The following TENM3 variants were observed in gnomAD, a reference collection of about 807,000 sequenced individuals.
TENM3 encodes the protein teneurin transmembrane protein 3.
TENM3 carries 63 observed loss-of-function variants against 255.1 expected under a neutral mutation model. That is an observed-to-expected ratio of 0.25 (90% CI 0.20 to 0.30). The LOEUF (loss-of-function observed/expected upper bound fraction) is 0.30. Among genes scored for constraint, TENM3 ranks in the 10% least tolerant of loss-of-function variants. TENM3 has a pLI of 1.00. For missense variants in TENM3, 2,929 were observed against 3,461.1 expected (o/e 0.85, Z 3.86); for synonymous variants, 1,306 against 1,322.3 (o/e 0.99, Z 0.27).
chr4:181,737,001 T>C, the TENM3 span, among the ~76,000 whole-genome samples: 12 of 152,080 alleles, frequency 7.9e-5, no homozygotes, highest in Non-Finnish European at 1.6e-4. Flanking sequence ...TAATAGAGTC[T>C]CAGACCACAA....
At chr4:181,653,184 G>T in the TENM3 span, among the ~76,000 whole-genome samples, 1 of 152,154 alleles carries the variant, frequency 6.6e-6, no homozygotes, top group Non-Finnish European at 1.5e-5. Flanking sequence ...TTCAGTCTAG[G>T]CCAGGGACTC....
intron 3 of TENM3, among the ~76,000 whole-genome samples, chr4:182,561,072 G>C (rs1423862017): frequency 1.3e-5 from 2 of 151,964 alleles, no homozygotes; most frequent in Non-Finnish European, 2.9e-5. Flanking sequence ...TGCTGTTACT[G>C]TCTACAAATG....
the TENM3 span, among the ~76,000 whole-genome samples, chr4:181,958,337 G>GTT: frequency 6.6e-6 from 1 of 152,036 alleles, no homozygotes; most frequent in Non-Finnish European, 1.5e-5. Context: ...TTGTTTGTTT[G>GTT]TTTTTGCTTT....
chr4:181,641,554 G>GTGTATATATATA, the TENM3 span, among the ~76,000 whole-genome samples: 18 of 26,894 alleles, frequency 6.7e-4, 1 homozygote, highest in East Asian at 1.2e-3. Flanking sequence ...TGGTGTGTGT[G>GTGTATATATATA]TATATATATA....
At chr4:182,347,071 T>A in intron 3 of TENM3, 142 bp downstream of exon 3, 1 of 808,462 alleles carries the variant, frequency 1.2e-6, no homozygotes, top group Non-Finnish European at 1.9e-6. Flanking sequence ...CTTTTTGTTT[T>A]AATGTAGTAG....
chr4:181,925,670 C>G, the TENM3 span, among the ~76,000 whole-genome samples: 253 of 152,238 alleles, frequency 1.7e-3, 1 homozygote, highest in African/African-American at 5.7e-3. Flanking sequence ...TGCAACTTTG[C>G]CGCCATTAAT....
chr4:182,275,777 AG>A (rs2150241422), intron 1 of TENM3, among the ~76,000 whole-genome samples: 1 of 152,074 alleles, frequency 6.6e-6, no homozygotes, highest in South Asian at 2.1e-4. Context: ...TTCTCCAAAA[AG>A]TTTTAGAAAT....
At chr4:181,615,731 C>G in the TENM3 span, among the ~76,000 whole-genome samples, 8 of 152,096 alleles carry the variant, frequency 5.3e-5, no homozygotes, top group African/African-American at 1.7e-4. Flanking sequence ...CAGAGGGTAC[C>G]TCGTGAACAA....
At position 182,783,599 on chromosome 4, in the gene TENM3, G is replaced by T. The variant is rs984224982; in HGVS notation, c.5305-5494G>T. On this transcript the variant is annotated intron_variant, in intron 24 of 27. Coordinates refer to ENST00000511685, the MANE Select transcript of TENM3 (RefSeq NM_001080477.4). ...CTGTATTTCCTGAATCTGAACGTTG[G>T]CCTGCCTTGCTAGATTGGGGAAGTT... 7.5e-4 allele frequency among the ~76,000 whole-genome samples: 112 copies of T among 148,928 alleles called. 1 individual carries two copies. The highest frequency in any genetic ancestry group is 1.2e-3 in the Non-Finnish European group (82 of 66,656).
At chr4:181,685,272 C>A in the TENM3 span, among the ~76,000 whole-genome samples, 1 of 151,970 alleles carries the variant, frequency 6.6e-6, no homozygotes, top group Admixed American at 6.6e-5. Flanking sequence ...AAAATTATAT[C>A]CCATTAACTG....
intron 1 of TENM3, among the ~76,000 whole-genome samples, chr4:182,266,319 T>C (rs905017736): frequency 1.3e-5 from 2 of 152,234 alleles, no homozygotes; most frequent in African/African-American, 2.4e-5. Context: ...GGAATGTGGA[T>C]TTTTTTCTGC....
chr4:182,037,689 A>G, the TENM3 span, among the ~76,000 whole-genome samples: 46 of 152,116 alleles, frequency 3.0e-4, no homozygotes, highest in African/African-American at 1.0e-3. Flanking sequence ...ATTTTTTCCT[A>G]TGGTGTTTAG....
chr4:181,919,386 T>TGTGTGTGTGTGA, the TENM3 span, among the ~76,000 whole-genome samples: 73 of 151,634 alleles, frequency 4.8e-4, no homozygotes, highest in African/African-American at 1.7e-3. Context: ...TGTGTGTGTG[T>TGTGTGTGTGTGA]GTGTGTGTGT....
chr4:181,935,858 G>T, the TENM3 span, among the ~76,000 whole-genome samples: 2 of 152,106 alleles, frequency 1.3e-5, no homozygotes, highest in African/African-American at 4.8e-5. Flanking sequence ...TGAAGCCTCA[G>T]ACAAACCTCA....
intron 2 of TENM3, among the ~76,000 whole-genome samples, chr4:182,341,073 C>T (rs1447261821): frequency 6.6e-6 from 1 of 152,048 alleles, no homozygotes; most frequent in Non-Finnish European, 1.5e-5. Flanking sequence ...ATGTATCTTA[C>T]AAAGTTTCAT....
chr4:182,133,717 C>T, the TENM3 span, among the ~76,000 whole-genome samples: 1 of 152,264 alleles, frequency 6.6e-6, no homozygotes, highest in Middle Eastern at 3.4e-3. Flanking sequence ...CTGGTAGATA[C>T]TCTCACCCTC....
the TENM3 span, among the ~76,000 whole-genome samples, chr4:181,532,299 G>A: frequency 2.0e-5 from 3 of 152,156 alleles, no homozygotes; most frequent in African/African-American, 7.2e-5. Context: ...CAGTTACAAT[G>A]AGAATTTTTG....
chr4:181,728,077 TAA>T, the TENM3 span, among the ~76,000 whole-genome samples: 1 of 152,200 alleles, frequency 6.6e-6, no homozygotes, highest in Non-Finnish European at 1.5e-5. Flanking sequence ...CTAGAGTCTG[TAA>T]TAGACTCATG....
chr4:182,434,532 G>A (rs952401521), intron 3 of TENM3, among the ~76,000 whole-genome samples: 2 of 151,778 alleles, frequency 1.3e-5, no homozygotes, highest in Admixed American at 6.6e-5. Context: ...GCGTGATGGT[G>A]GGCACCTGTA....
Sources: gnomAD v4.1 joint callset for allele counts (sites outside exome capture counted in the v4.1 genomes callset) on GRCh38, gnomAD v4.1.1 for gene constraint, MANE v1.5 for transcripts, NCBI Gene and HGNC (gene_info 2026-07-23, HGNC 2026-07-21) for gene names.